Variants in MCC observed in about 807,000 individuals in gnomAD.
The protein encoded by MCC is MCC regulator of Wnt signaling pathway.
A neutral mutation model predicts 116.2 loss-of-function variants in MCC; 90 were observed. That is an observed-to-expected ratio of 0.77 (90% CI 0.65 to 0.92). The LOEUF (loss-of-function observed/expected upper bound fraction) is 0.92. MCC is among the 40% of genes least tolerant of loss of function. The pLI is 0.00. For synonymous variants in MCC, 578 were observed against 510.5 expected (o/e 1.13, Z -1.78); for missense variants, 1,516 against 1,312.2 (o/e 1.16, Z -2.40).
At chr5:113,352,142 C>A (rs774870412) in intron 2 of MCC, among the ~76,000 whole-genome samples, 2 of 152,130 alleles carry the variant, frequency 1.3e-5, no homozygotes, top group East Asian at 3.8e-4. Context: ...GTAGACTGTT[C>A]CCATTACTCT....
chr5:113,413,422 G>C (rs1221077605), intron 1 of MCC, among the ~76,000 whole-genome samples: 1 of 152,138 alleles, frequency 6.6e-6, no homozygotes, highest in African/African-American at 2.4e-5. Flanking sequence ...TGGTTGGTAG[G>C]CTATTGATTA....
chr5:113,109,997 T>C (rs1561359705), intron 6 of MCC, among the ~76,000 whole-genome samples: 5 of 152,198 alleles, frequency 3.3e-5, no homozygotes, highest in South Asian at 2.1e-4. Flanking sequence ...CTTTTTTTTT[T>C]CTCCAGAGAC....
chr5:113,207,679 A>G (rs1762967998), intron 3 of MCC, among the ~76,000 whole-genome samples: 1 of 152,198 alleles, frequency 6.6e-6, no homozygotes, highest in African/African-American at 2.4e-5. Context: ...CACTTAAAAT[A>G]TGAGCACATT....
chr5:113,148,238 G>T (rs1438773685), intron 4 of MCC, among the ~76,000 whole-genome samples: 1 of 152,262 alleles, frequency 6.6e-6, no homozygotes, highest in Non-Finnish European at 1.5e-5. Flanking sequence ...AGATAGGAGT[G>T]TGCTGTTTTC....
rs544855565 is a variant in MCC at position 113,299,384 on chromosome 5, T to C, written c.627+41135A>G. ...TTGCATTGAGGGAGTCTAGACTGGT[T>C]TTCTTATAATGTAAAATTCCATGAA... On this transcript the variant is annotated intron_variant, in intron 3 of 18. Transcript: ENST00000408903. Among the ~76,000 whole-genome samples the C allele has an allele frequency of 1.5e-4, 23 of 148,814 alleles. No homozygotes were observed. In the South Asian group the frequency reaches 4.7e-3, roughly 31 times the overall value.
intron 3 of MCC, among the ~76,000 whole-genome samples, chr5:113,313,435 G>A (rs1403823804): frequency 6.6e-6 from 1 of 152,166 alleles, no homozygotes; most frequent in East Asian, 1.9e-4. Context: ...TGAAAGCAAA[G>A]TGAGCTTGAG....
intron 1 of MCC, among the ~76,000 whole-genome samples, chr5:113,421,739 T>C (rs987447694): frequency 6.6e-6 from 1 of 152,208 alleles, no homozygotes; most frequent in African/African-American, 2.4e-5. Flanking sequence ...ACGGAGCTAA[T>C]GTATATCCTT....
chr5:113,183,425 A>C (rs547380834), intron 3 of MCC, among the ~76,000 whole-genome samples: 8 of 152,188 alleles, frequency 5.3e-5, no homozygotes, highest in Non-Finnish European at 1.2e-4. Context: ...CCTCTTAAAA[A>C]CATTCTTTCT....
At chr5:113,231,030 AT>A (rs1763921620) in intron 3 of MCC, among the ~76,000 whole-genome samples, 1 of 152,196 alleles carries the variant, frequency 6.6e-6, no homozygotes, top group African/African-American at 2.4e-5. Flanking sequence ...GCAGTCAAAA[AT>A]TTTAAAGACT....
At chr5:113,226,691 A>G (rs1456533954) in intron 3 of MCC, among the ~76,000 whole-genome samples, 5 of 152,212 alleles carry the variant, frequency 3.3e-5, no homozygotes, top group South Asian at 2.1e-4. Flanking sequence ...TCATAAACCA[A>G]TAAGGAACAA....
chr5:113,037,908 GTTAGGGAC>G lies in MCC; in HGVS notation c.2756+5614_2756+5621del, dbSNP rs1477457284. On this transcript the variant is annotated intron_variant, in intron 17 of 18. Coordinates refer to ENST00000408903, the MANE Select transcript of MCC (RefSeq NM_001085377.2). ...TTTGAAATATGGGCTAGGAAGTTAA[GTTAGGGAC>G]CTACGGACAATCTTGAGTGCCAAGG... Among the ~76,000 whole-genome samples the G allele has an allele frequency of 2.0e-5, 3 of 152,198 alleles. No homozygotes were observed. In the East Asian group the frequency reaches 5.8e-4, roughly 29 times the overall value.
At chr5:113,365,093 A>T (rs560672125) in intron 2 of MCC, among the ~76,000 whole-genome samples, 45 of 152,294 alleles carry the variant, frequency 3.0e-4, no homozygotes, top group African/African-American at 1.1e-3. Flanking sequence ...TCCCCTGAAA[A>T]CAGGCTTTTC....
At chr5:113,250,941 C>G (rs1764777738) in intron 3 of MCC, among the ~76,000 whole-genome samples, 1 of 152,202 alleles carries the variant, frequency 6.6e-6, no homozygotes, top group Non-Finnish European at 1.5e-5. Flanking sequence ...AATAAACTGT[C>G]TTGCCTGACA....
intron 3 of MCC, among the ~76,000 whole-genome samples, chr5:113,304,111 G>T (rs1299350965): frequency 6.6e-6 from 1 of 152,160 alleles, no homozygotes; most frequent in Non-Finnish European, 1.5e-5. Flanking sequence ...GCAAGGATTA[G>T]AGAATCTGGG....
intron 2 of MCC, among the ~76,000 whole-genome samples, chr5:113,372,520 AT>A (rs1440109824): frequency 6.6e-6 from 1 of 152,098 alleles, no homozygotes; most frequent in African/African-American, 2.4e-5. Context: ...TATATATTGT[AT>A]TTTTTCTTTG....
chr5:113,245,518 ATGTCCTT>A (rs920321800), intron 3 of MCC, among the ~76,000 whole-genome samples: 3 of 152,090 alleles, frequency 2.0e-5, no homozygotes, highest in African/African-American at 7.2e-5. Context: ...ACCAAGCCTT[ATGTCCTT>A]GAAGCAACCA....
At chr5:113,274,751 A>G (rs1405380838) in intron 3 of MCC, among the ~76,000 whole-genome samples, 1 of 152,202 alleles carries the variant, frequency 6.6e-6, no homozygotes, top group African/African-American at 2.4e-5. Context: ...TTCTATTACA[A>G]TCCTTTGGTG....
chr5:113,128,262 T>A (rs1167089662), intron 5 of MCC, among the ~76,000 whole-genome samples: 2 of 152,228 alleles, frequency 1.3e-5, no homozygotes, highest in Non-Finnish European at 2.9e-5. Context: ...CAGATGGTCA[T>A]CTGCCTGCTT....
intron 1 of MCC, among the ~76,000 whole-genome samples, chr5:113,469,548 C>G (rs1381769413): frequency 6.6e-6 from 1 of 152,126 alleles, no homozygotes; most frequent in East Asian, 1.9e-4. Context: ...GTCTGAGAGA[C>G]AGTTTGTTAT....
Sources: allele counts gnomAD v4.1 joint callset (sites outside exome capture counted in the v4.1 genomes callset), GRCh38; gene constraint gnomAD v4.1.1; transcripts MANE v1.5; gene names NCBI Gene and HGNC (gene_info 2026-07-23, HGNC 2026-07-21).